Variants in PRKCZ observed in about 807,000 individuals in gnomAD.
PRKCZ encodes the protein protein kinase C zeta type.
Under a neutral mutation model 79.5 loss-of-function variants are expected in PRKCZ, and 33 were observed. That is an observed-to-expected ratio of 0.41 (90% CI 0.31 to 0.55). The LOEUF is 0.55. Among genes scored for constraint, PRKCZ ranks in the 20% least tolerant of loss-of-function variants. The probability of loss-of-function intolerance (pLI) is 0.19; values close to 1 mark genes in which losing one functional copy is unlikely to be tolerated. For missense variants in PRKCZ, 578 were observed against 813.5 expected (o/e 0.71, Z 3.52); for synonymous variants, 342 against 320.9 (o/e 1.07, Z -0.70).
At chr1:2,144,379 C>A (rs1016015849) in intron 6 of PRKCZ, 38 bp downstream of exon 6, 3 of 1,546,224 alleles carry the variant, frequency 1.9e-6, no homozygotes, top group South Asian at 2.4e-5. Flanking sequence ...GGGGCACGGG[C>A]GGGGTCGGGG....
At chr1:2,112,001 G>A (rs947743861) in intron 4 of PRKCZ, among the ~76,000 whole-genome samples, 5 of 152,282 alleles carry the variant, frequency 3.3e-5, no homozygotes, top group African/African-American at 1.2e-4. Flanking sequence ...CACCTTAGTC[G>A]TCTTCGAGGC....
At chr1:2,181,672 G>C in intron 16 of PRKCZ, 2 of 353,450 alleles carry the variant, frequency 5.7e-6, no homozygotes, top group Non-Finnish European at 1.1e-5. Flanking sequence ...CCTCGGAGCA[G>C]AGAACGGGCT....
In PRKCZ at chr1:2,050,522, C is replaced by T. The variant is rs1659540190; in HGVS notation, c.-109C>T. The stretch of plus-strand genomic sequence containing the variant: ...AGTTGACCGGGTCGGCGCCGTCGGT[C>T]CTGAGCGCTGCCTTCCGCGTTCCGC... On this transcript the variant is annotated 5_prime_UTR_variant, in exon 1 of 18. Transcript: ENST00000378567. 3 of 663,114 alleles carry T rather than the reference C, an allele frequency of 4.5e-6. No homozygotes were observed. The highest frequency in any genetic ancestry group is 1.9e-5 in the African/African-American group (1 of 52,396). 41.1% of individuals were successfully genotyped at this position (663,114 alleles called of 1,614,324 possible).
chr1:2,151,104 A>C, intron 9 of PRKCZ, 126 bp downstream of exon 9: 1 of 1,150,376 alleles, frequency 8.7e-7, no homozygotes. Context: ...TTTGTGCAAA[A>C]TCAATAGTCA....
In PRKCZ at chr1:2,082,451, A is replaced by G. The variant is rs1479617236; in HGVS notation, c.334+22860A>G. 2 of 455,822 alleles carry G rather than the reference A, an allele frequency of 4.4e-6. No individual in the cohort carries two copies. The highest frequency in any genetic ancestry group is 8.8e-6 in the Non-Finnish European group (2 of 226,752). 28.2% of individuals were successfully genotyped at this position (455,822 alleles called of 1,614,324 possible). ...GAATTGAGTTTGCATGGAGACTGTA[A>G]TTTCATTCTGTGAGTGTAAGATCAC... On this transcript the variant is annotated intron_variant, in intron 4 of 17. Coordinates refer to ENST00000378567, the MANE Select transcript of PRKCZ (RefSeq NM_002744.6). This position sits in a 1 kb window ranked among gnomAD's most constrained non-coding sequence, Gnocchi z 4.4.
chr1:2,052,580 C>T (rs2102193081), intron 1 of PRKCZ, among the ~76,000 whole-genome samples: 1 of 152,114 alleles, frequency 6.6e-6, no homozygotes, highest in South Asian at 2.1e-4. Flanking sequence ...CTTCTCTCCT[C>T]TCTCCCCTCC....
chr1:2,138,919 C>G, intron 5 of PRKCZ, among the ~76,000 whole-genome samples: 1 of 152,182 alleles, frequency 6.6e-6, no homozygotes, highest in East Asian at 1.9e-4. Context: ...GAGACTCCGT[C>G]TCAAATAAAT....
chr1:2,070,496 A>C (rs1438554457), intron 4 of PRKCZ, among the ~76,000 whole-genome samples: 1 of 152,160 alleles, frequency 6.6e-6, no homozygotes, highest in African/African-American at 2.4e-5. Context: ...CCCTGAACCC[A>C]GCTCCAAGGC....
chr1:2,071,051 C>CACCTGGGCATGTG (rs1557491859), intron 4 of PRKCZ, among the ~76,000 whole-genome samples: 2 of 151,682 alleles, frequency 1.3e-5, no homozygotes, highest in East Asian at 3.9e-4. Context: ...GCAGCCAGTA[C>CACCTGGGCATGTG]ACCTGGGCGT....
chr1:2,138,860 G>T (rs1676752163), intron 5 of PRKCZ, among the ~76,000 whole-genome samples: 1 of 152,176 alleles, frequency 6.6e-6, no homozygotes, highest in South Asian at 2.1e-4. Flanking sequence ...CTTGAACCCA[G>T]GAGGCGGGGG....
intron 10 of PRKCZ, among the ~76,000 whole-genome samples, chr1:2,159,344 CT>C (rs1481121545): frequency 6.6e-6 from 1 of 152,256 alleles, no homozygotes; most frequent in Non-Finnish European, 1.5e-5. Flanking sequence ...CTGGAGGTGA[CT>C]GCAGGCTTTA....
intron 4 of PRKCZ, among the ~76,000 whole-genome samples, chr1:2,092,177 C>T (rs1665637584): frequency 6.6e-6 from 1 of 152,192 alleles, no homozygotes; most frequent in Non-Finnish European, 1.5e-5. Flanking sequence ...CCAGCCCCTT[C>T]CCAGGGCTTT....
Position 2,127,139 on chromosome 1 carries a change from G to T in PRKCZ, c.335-8123G>T, listed in dbSNP as rs1292814758. On this transcript the variant is annotated intron_variant, in intron 4 of 17. Coordinates refer to ENST00000378567, the MANE Select transcript of PRKCZ (RefSeq NM_002744.6). The surrounding 1 kb of genome is among the most constrained non-coding windows in gnomAD (Gnocchi z 5.1). ...GAGGTTGTTGCCTCAGTGGGAGCCT[G>T]GGCTGTGGCTGCCAGTCCCCAAAAC... is the stretch of plus-strand genomic sequence containing the variant. Among the ~76,000 whole-genome samples, 2 of 152,188 alleles carry T rather than the reference G, an allele frequency of 1.3e-5. No homozygotes were observed. Among genetic ancestry groups the T allele is most frequent in the Non-Finnish European group, 1.5e-5 (1 of 68,024 alleles).
rs1458344064 is a variant in PRKCZ at position 2,149,680 on chromosome 1, AC to A, written c.687+759del. On this transcript the variant is annotated intron_variant, in intron 8 of 17. Coordinates refer to ENST00000378567, the MANE Select transcript of PRKCZ (RefSeq NM_002744.6). The surrounding 1 kb of genome is among the most constrained non-coding windows in gnomAD (Gnocchi z 4.1). ...AGAACAGCCTGGGCAGCATAGCGAG[AC>A]CCTGTTCCTACAAAAATAAATACAA... is the stretch of plus-strand genomic sequence containing the variant. Among the ~76,000 whole-genome samples the A allele has an allele frequency of 6.6e-6, 1 of 152,128 alleles. No individual in the cohort carries two copies. The highest frequency in any genetic ancestry group is 2.4e-5 in the African/African-American group (1 of 41,412).
At position 2,149,033 on chromosome 1, in the gene PRKCZ, G is replaced by T. The variant is rs1236528635; in HGVS notation, c.687+109G>T. The T allele has an allele frequency of 2.4e-6, 3 of 1,251,640 alleles. No homozygotes were observed. The highest frequency in any genetic ancestry group is 1.9e-5 in the Admixed American group (1 of 51,324). 77.5% of individuals were successfully genotyped at this position (1,251,640 alleles called of 1,614,324 possible). ...TAGATGTGAAATAGACATGGTCCGG[G>T]GTGTTGCTAACTAATCTTCACGGGT... On this transcript the variant is annotated intron_variant, in intron 8 of 17. Coordinates refer to ENST00000378567, the MANE Select transcript of PRKCZ (RefSeq NM_002744.6). This position sits in a 1 kb window ranked among gnomAD's most constrained non-coding sequence, Gnocchi z 4.1.
upstream of PRKCZ, chr1:2,049,329 G>T (rs1659464668): frequency 6.6e-6 from 1 of 152,350 alleles, no homozygotes; most frequent in South Asian, 2.1e-4. Context: ...TGGGTGGAGG[G>T]AGGGGCAAAC....
intron 4 of PRKCZ, 141 bp downstream of exon 4, chr1:2,059,732 G>C: frequency 9.0e-7 from 1 of 1,107,026 alleles, no homozygotes. Flanking sequence ...CGTGGTGACC[G>C]CAGGTGGGGT....
At chr1:2,076,154 C>A (rs972572025) in intron 4 of PRKCZ, among the ~76,000 whole-genome samples, 7 of 152,146 alleles carry the variant, frequency 4.6e-5, no homozygotes, top group African/African-American at 1.4e-4. Flanking sequence ...CGAGGGGAAG[C>A]CTGTGGGAAA....
At chr1:2,135,791 G>C (rs1368606084) in intron 5 of PRKCZ, among the ~76,000 whole-genome samples, 1 of 152,250 alleles carries the variant, frequency 6.6e-6, no homozygotes, top group Non-Finnish European at 1.5e-5. Context: ...TTGGGCCTCT[G>C]TCTTCCCAGC....
Sources: allele counts gnomAD v4.1 joint callset (sites outside exome capture counted in the v4.1 genomes callset), GRCh38; gene constraint gnomAD v4.1.1; non-coding constraint Gnocchi (gnomAD v3.1); transcripts MANE v1.5; gene names NCBI Gene and HGNC (gene_info 2026-07-23, HGNC 2026-07-21).